Variants in C20orf203 observed in about 807,000 individuals in gnomAD.
C20orf203 encodes uncharacterized protein C20orf203.
Under a neutral mutation model 15.9 loss-of-function variants are expected in C20orf203, and 16 were observed. That is an observed-to-expected ratio of 1.01 (90% CI 0.68 to 1.53). C20orf203 has a LOEUF of 1.53. Ranked by LOEUF, C20orf203 falls within the 40% of genes most tolerant of loss-of-function variation. The probability of loss-of-function intolerance (pLI) is 0.00; values close to 1 mark genes in which losing one functional copy is unlikely to be tolerated. For missense variants in C20orf203, 263 were observed against 247.5 expected (o/e 1.06, Z -0.42); for synonymous variants, 98 against 97.2 (o/e 1.01, Z -0.05).
chr20:32,666,927 G>A (rs1263798494), intron 1 of C20orf203, among the ~76,000 whole-genome samples: 1 of 149,174 alleles, frequency 6.7e-6, no homozygotes, highest in Non-Finnish European at 1.5e-5. Context: ...GGGATTACAG[G>A]CATGAGCCAC....
rs1982043200 is a variant in C20orf203, at chr20:32,633,053, G to A, written c.*2517C>T. ...TCACTCACTATCATGAGAACAGCAT[G>A]GGGGAAACTGCCACCATTATTCAAT... On this transcript the variant is annotated 3_prime_UTR_variant, in exon 6 of 6. Transcript: ENST00000608990. The A allele has an allele frequency of 6.6e-6, 1 of 152,118 alleles. No homozygotes were observed. Among genetic ancestry groups the A allele is most frequent in the Non-Finnish European group, 1.5e-5 (1 of 68,026 alleles). 9.4% of individuals were successfully genotyped at this position (152,118 alleles called of 1,614,324 possible). A position where few individuals can be genotyped will look rare whatever the true frequency, so the allele number is the denominator to read the frequency against.
chr20:32,659,918 T>C (rs1982850909), intron 1 of C20orf203, among the ~76,000 whole-genome samples: 1 of 152,246 alleles, frequency 6.6e-6, no homozygotes, highest in Admixed American at 6.5e-5. Flanking sequence ...AAATGTATTA[T>C]ATTAACATCA....
At chr20:32,668,668 G>T (rs1207189944) in intron 1 of C20orf203, among the ~76,000 whole-genome samples, 3 of 151,702 alleles carry the variant, frequency 2.0e-5, no homozygotes, top group Non-Finnish European at 2.9e-5. Flanking sequence ...TAAAAAAATA[G>T]CTGGGTGTGG....
intron 5 of C20orf203, among the ~76,000 whole-genome samples, chr20:32,640,097 G>GT (rs1438990671): frequency 7.2e-5 from 11 of 152,116 alleles, no homozygotes; most frequent in Admixed American, 7.2e-4. Flanking sequence ...ATGTAGATGT[G>GT]TATTTATTGA....
rs112268859 is a variant in C20orf203 at position 32,664,281 on chromosome 20, C to T, written c.-264+9351G>A. ...GCACTGACAGTGAGATCCAGGCCGG[C>T]CTCCTGCCGGGGTCTCCTCATACCC... On this transcript the variant is annotated intron_variant, in intron 1 of 5. Transcript: ENST00000608990. Among the ~76,000 whole-genome samples the T allele has an allele frequency of 5.3e-3, 811 of 152,350 alleles. 7 individuals are homozygous for T. Among genetic ancestry groups the T allele is most frequent in the African/African-American group, 0.018 (762 of 41,578 alleles).
chr20:32,665,066 C>T (rs1982986691), intron 1 of C20orf203, among the ~76,000 whole-genome samples: 1 of 152,204 alleles, frequency 6.6e-6, no homozygotes, highest in East Asian at 1.9e-4. Context: ...ATCCAAGCTG[C>T]CAAGTAAGTT....
Position 32,650,821 on chromosome 20 carries a change from T to C in C20orf203, c.196A>G (p.Arg66Gly). The change falls in exon 4 of 6, where the codon AGG becomes GGG. Residue 66 changes from arginine to glycine, a missense_variant. Physicochemically the swap from Arg to Gly is moderately radical, Grantham distance 125 (BLOSUM62 -2). Coordinates refer to ENST00000608990, the MANE Select transcript of C20orf203 (RefSeq NM_182584.4). ...ACTCGCTGAGCCTTTGAGGTCCTCC[T>C]TCCCGCCCCACCGCCAAGGTCCCAG... The part of the protein sequence containing the change: ...HLWDLGGGAG[R>G]RTSKAQRVHP... The C allele has an allele frequency of 6.8e-7, 1 of 1,477,620 alleles. No homozygotes were observed. Among genetic ancestry groups the C allele is most frequent in the Non-Finnish European group, 9.0e-7 (1 of 1,111,948 alleles). 91.5% of individuals were successfully genotyped at this position (1,477,620 alleles called of 1,614,324 possible).
chr20:32,644,403 G>A (rs1031665281), intron 4 of C20orf203, among the ~76,000 whole-genome samples: 16 of 152,094 alleles, frequency 1.1e-4, no homozygotes, highest in Admixed American at 2.6e-4. Flanking sequence ...AGCTGAGATC[G>A]TACCACTGCA....
chr20:32,641,794 C>G (rs1042224455), intron 4 of C20orf203, among the ~76,000 whole-genome samples: 1 of 152,080 alleles, frequency 6.6e-6, no homozygotes, highest in South Asian at 2.1e-4. Context: ...TAGATCGTAT[C>G]GCCATTTTTA....
intron 4 of C20orf203, among the ~76,000 whole-genome samples, chr20:32,647,560 C>G (rs1982471905): frequency 6.6e-6 from 1 of 151,978 alleles, no homozygotes; most frequent in Non-Finnish European, 1.5e-5. Context: ...AAAAAATTAG[C>G]TGGGTATTTT....
intron 1 of C20orf203, among the ~76,000 whole-genome samples, chr20:32,671,172 A>C (rs1224868167): frequency 6.6e-6 from 1 of 152,224 alleles, no homozygotes; most frequent in Non-Finnish European, 1.5e-5. Flanking sequence ...CAGGAATCCC[A>C]CTTGCAGGTA....
intron 1 of C20orf203, among the ~76,000 whole-genome samples, chr20:32,659,308 C>A (rs906763150): frequency 6.6e-6 from 1 of 152,222 alleles, no homozygotes; most frequent in Non-Finnish European, 1.5e-5. Context: ...GTACAATTCA[C>A]CAAGGAGGAG....
intron 4 of C20orf203, among the ~76,000 whole-genome samples, chr20:32,648,366 A>G (rs1982494159): frequency 7.1e-6 from 1 of 141,402 alleles, no homozygotes; most frequent in South Asian, 2.2e-4. Context: ...CCCAATCCCT[A>G]TTCTCTCTGT....
intron 1 of C20orf203, among the ~76,000 whole-genome samples, chr20:32,669,967 TGAG>T (rs1983122818): frequency 6.6e-6 from 1 of 152,104 alleles, no homozygotes. Flanking sequence ...TTTGGGAGGC[TGAG>T]GAGGGTGGAT....
At chr20:32,652,489 T>TA (rs1982660619) in intron 1 of C20orf203, among the ~76,000 whole-genome samples, 1 of 151,732 alleles carries the variant, frequency 6.6e-6, no homozygotes, top group South Asian at 2.1e-4. Context: ...ATTTGAACGA[T>TA]AAAATCAGCC....
intron 4 of C20orf203, among the ~76,000 whole-genome samples, chr20:32,641,333 CAAAAAA>C (rs71338447): frequency 1.8e-5 from 1 of 56,998 alleles, no homozygotes; most frequent in Admixed American, 2.2e-4. Context: ...CTCAAAAACT[CAAAAAA>C]AAAAAAAAAA....
chr20:32,672,892 C>A (rs1448311480), intron 1 of C20orf203, among the ~76,000 whole-genome samples: 1 of 152,184 alleles, frequency 6.6e-6, no homozygotes, highest in Non-Finnish European at 1.5e-5. Context: ...TGTGCCCCTG[C>A]ATCTAAACAG....
At chr20:32,637,695 C>T (rs1290538438) in intron 5 of C20orf203, among the ~76,000 whole-genome samples, 1 of 152,194 alleles carries the variant, frequency 6.6e-6, no homozygotes, top group Non-Finnish European at 1.5e-5. Flanking sequence ...CTGTTTTGAT[C>T]ACTGAGGTAT....
chr20:32,651,303 C>T (rs1009145185), intron 2 of C20orf203, 137 bp from the exon 3 acceptor site: 3 of 400,056 alleles, frequency 7.5e-6, no homozygotes, highest in African/African-American at 6.2e-5. Context: ...GAGCCATGAT[C>T]GCCCCACTAC....
Sources: allele counts gnomAD v4.1 joint callset (sites outside exome capture counted in the v4.1 genomes callset), GRCh38; gene constraint gnomAD v4.1.1; transcripts MANE v1.5; gene names NCBI Gene and HGNC (gene_info 2026-07-23, HGNC 2026-07-21).